The following PKNOX2 variants were observed in gnomAD, a reference collection of about 807,000 sequenced individuals.
PKNOX2 encodes the protein PBX/knotted 1 homeobox 2, also known as homeobox protein PKNOX2.
In PKNOX2, 14 loss-of-function variants were observed where a neutral mutation model predicts 53.1. That is an observed-to-expected ratio of 0.26 (90% CI 0.17 to 0.41). PKNOX2 has a LOEUF of 0.41. Among genes scored for constraint, PKNOX2 ranks in the 10% least tolerant of loss-of-function variants. PKNOX2 has a pLI of 1.00. For missense variants in PKNOX2, 496 were observed against 602.8 expected (o/e 0.82, Z 1.85); for synonymous variants, 257 against 242.8 (o/e 1.06, Z -0.54).
intron 5 of PKNOX2, among the ~76,000 whole-genome samples, chr11:125,371,825 G>T (rs983773230): frequency 6.6e-6 from 1 of 152,166 alleles, no homozygotes. Context: ...TGAGGGCAGT[G>T]GTGCTTTGCC....
At chr11:125,269,194 T>C (rs1040299010) in intron 2 of PKNOX2, among the ~76,000 whole-genome samples, 1 of 152,186 alleles carries the variant, frequency 6.6e-6, no homozygotes, top group Non-Finnish European at 1.5e-5. Context: ...TTTTAACATA[T>C]TCCTTCCTCA....
chr11:125,221,900 G>A (rs77108710), intron 1 of PKNOX2, among the ~76,000 whole-genome samples: 11 of 152,280 alleles, frequency 7.2e-5, no homozygotes, highest in South Asian at 6.2e-4. Flanking sequence ...CTGCCCGCCC[G>A]GGCTGTAGAA....
chr11:125,191,125 A>G (rs1226553886), intron 1 of PKNOX2: 1 of 152,216 alleles, frequency 6.6e-6, no homozygotes, highest in Non-Finnish European at 1.5e-5. Flanking sequence ...TGGGACTGGA[A>G]AGATCCTTAT....
At chr11:125,305,868 C>A (rs1378497984) in intron 2 of PKNOX2, among the ~76,000 whole-genome samples, 1 of 152,108 alleles carries the variant, frequency 6.6e-6, no homozygotes, top group Non-Finnish European at 1.5e-5. Context: ...CACAAGCTCA[C>A]TTAAAATATG....
At chr11:125,172,753 C>T (rs943874577) in intron 1 of PKNOX2, among the ~76,000 whole-genome samples, 4 of 152,170 alleles carry the variant, frequency 2.6e-5, no homozygotes, top group African/African-American at 4.8e-5. Context: ...ACCGCCACCG[C>T]CACAAATCCG....
chr11:125,320,265 G>A (rs929576650), intron 2 of PKNOX2, among the ~76,000 whole-genome samples: 31 of 152,130 alleles, frequency 2.0e-4, no homozygotes, highest in African/African-American at 6.5e-4. Context: ...CCTTGAATTA[G>A]CACCCCTCCT....
intron 1 of PKNOX2, among the ~76,000 whole-genome samples, chr11:125,176,285 C>T (rs531838017): frequency 6.6e-6 from 1 of 152,318 alleles, no homozygotes; most frequent in East Asian, 1.9e-4. Context: ...TGAAGCAGGC[C>T]TTGACTCCCT....
intron 1 of PKNOX2, among the ~76,000 whole-genome samples, chr11:125,178,561 GGAAC>G (rs201971355): frequency 0.019 from 1,975 of 102,324 alleles, 79 homozygotes; most frequent in Middle Eastern, 0.038. Context: ...AAGGAAGGAA[GGAAC>G]GAAGGAAGGA....
intron 1 of PKNOX2, among the ~76,000 whole-genome samples, chr11:125,200,830 GTGAA>G (rs1938349889): frequency 6.6e-6 from 1 of 152,234 alleles, no homozygotes; most frequent in African/African-American, 2.4e-5. Flanking sequence ...AAGCAACTGA[GTGAA>G]TGACCCAGGC....
intron 2 of PKNOX2, among the ~76,000 whole-genome samples, chr11:125,257,926 G>C (rs940923442): frequency 6.6e-6 from 1 of 152,122 alleles, no homozygotes; most frequent in African/African-American, 2.4e-5. Flanking sequence ...GACTGTTAAC[G>C]GCAGGAATTT....
At chr11:125,329,193 A>G (rs1031461971) in intron 2 of PKNOX2, among the ~76,000 whole-genome samples, 1 of 152,220 alleles carries the variant, frequency 6.6e-6, no homozygotes, top group East Asian at 1.9e-4. Context: ...CCTACATGAA[A>G]AGGTGTTTAT....
intron 12 of PKNOX2, among the ~76,000 whole-genome samples, chr11:125,430,695 A>G (rs1316314933): frequency 6.6e-6 from 1 of 152,060 alleles, no homozygotes; most frequent in Admixed American, 6.6e-5. Context: ...CCTCATGCAC[A>G]CGTGTATGTG....
At position 125,388,366 on chromosome 11, in the gene PKNOX2, C is replaced by A. The variant is rs546033957; in HGVS notation, c.399+2644C>A. ...TTTTTTACAACCCCGCACACGTAGC[C>A]CAACGGACTGTAACTCTTTATCCGG... On this transcript the variant is annotated intron_variant, in intron 6 of 12. Coordinates refer to ENST00000298282, the MANE Select transcript of PKNOX2 (RefSeq NM_001382323.2). Among the ~76,000 whole-genome samples, 7 of 152,234 alleles carry A rather than the reference C, an allele frequency of 4.6e-5. No individual in the cohort carries two copies. The South Asian group carries it at 1.5e-3, about 32-fold the overall frequency.
intron 1 of PKNOX2, among the ~76,000 whole-genome samples, chr11:125,170,632 C>T (rs374593371): frequency 5.3e-5 from 8 of 152,332 alleles, no homozygotes; most frequent in African/African-American, 1.4e-4. Context: ...ACTGCAGGCC[C>T]GGCCTGCCTG....
chr11:125,277,883 C>T (rs1172321350), intron 2 of PKNOX2, among the ~76,000 whole-genome samples: 3 of 151,932 alleles, frequency 2.0e-5, no homozygotes, highest in African/African-American at 7.3e-5. Flanking sequence ...TTACATGTAC[C>T]CCCCAAATAT....
intron 2 of PKNOX2, among the ~76,000 whole-genome samples, chr11:125,241,060 C>T (rs1943106119): frequency 6.6e-6 from 1 of 152,192 alleles, no homozygotes; most frequent in Non-Finnish European, 1.5e-5. Context: ...TGCTGGACCA[C>T]CTCCAGTGGT....
At chr11:125,288,522 A>G (rs981568964) in intron 2 of PKNOX2, among the ~76,000 whole-genome samples, 12 of 152,196 alleles carry the variant, frequency 7.9e-5, no homozygotes, top group African/African-American at 2.9e-4. Flanking sequence ...GTTCTCCCAC[A>G]CGTTCTTTCA....
chr11:125,347,654 C>T (rs1348655790), intron 3 of PKNOX2, among the ~76,000 whole-genome samples: 1 of 152,032 alleles, frequency 6.6e-6, no homozygotes, highest in Non-Finnish European at 1.5e-5. Context: ...GATCCTGCCT[C>T]GGTGGCTCCT....
chr11:125,425,137 T>A (rs1434983572), intron 10 of PKNOX2, among the ~76,000 whole-genome samples: 1 of 152,182 alleles, frequency 6.6e-6, no homozygotes, highest in African/African-American at 2.4e-5. Context: ...CCCTGCACTA[T>A]CTCATTAAAT....
Sources: gnomAD v4.1 joint callset for allele counts (sites outside exome capture counted in the v4.1 genomes callset) on GRCh38, gnomAD v4.1.1 for gene constraint, MANE v1.5 for transcripts, NCBI Gene and HGNC (gene_info 2026-07-23, HGNC 2026-07-21) for gene names.